The following TRDN variants were observed in gnomAD, a reference collection of about 807,000 sequenced individuals.
TRDN encodes triadin.
Under a neutral mutation model 149.7 loss-of-function variants are expected in TRDN, and 161 were observed. The observed-to-expected ratio is 1.08, with a 90% CI of 0.95 to 1.23. TRDN has a LOEUF of 1.23. TRDN is among the 50% of genes most tolerant of loss of function. TRDN has a pLI of 0.00. For synonymous variants in TRDN, 294 were observed against 250.5 expected (o/e 1.17, Z -1.64); for missense variants, 896 against 823.5 (o/e 1.09, Z -1.08).
chr6:123,628,504 C>T (rs915674415), intron 1 of TRDN, among the ~76,000 whole-genome samples: 1 of 151,898 alleles, frequency 6.6e-6, no homozygotes, highest in Admixed American at 6.6e-5. Flanking sequence ...ATAACGAAAA[C>T]ATTTGAAATA....
At chr6:123,313,332 A>T (rs1294831906) in intron 24 of TRDN, among the ~76,000 whole-genome samples, 2 of 151,782 alleles carry the variant, frequency 1.3e-5, no homozygotes, top group African/African-American at 4.8e-5. Flanking sequence ...CTTGCTGGAG[A>T]GGTGATATAG....
rs912058856 is a variant in TRDN, at chr6:123,524,742, A to C, written c.484+5764T>G. The stretch of plus-strand genomic sequence containing the variant: ...TTTGTTCTGATCTCTCAAATAATGA[A>C]ATTTTGAAATTTCAGAAATGTTCAT... On this transcript the variant is annotated intron_variant, in intron 5 of 40. Coordinates refer to ENST00000334268, the MANE Select transcript of TRDN (RefSeq NM_006073.4). Among the ~76,000 whole-genome samples, 13 of 152,264 alleles carry C rather than the reference A, an allele frequency of 8.5e-5. No individual in the cohort carries two copies. In the East Asian group the frequency reaches 9.6e-4, roughly 11 times the overall value.
chr6:123,305,652 C>T (rs1386993740), intron 24 of TRDN, among the ~76,000 whole-genome samples: 1 of 152,114 alleles, frequency 6.6e-6, no homozygotes, highest in African/African-American at 2.4e-5. Context: ...AAACAACTTT[C>T]CTTGAGATGT....
At chr6:123,568,392 G>A (rs936328662) in intron 2 of TRDN, among the ~76,000 whole-genome samples, 6 of 152,298 alleles carry the variant, frequency 3.9e-5, no homozygotes, top group African/African-American at 7.2e-5. Context: ...GCTCCACTAG[G>A]CAATGCCCCA....
At chr6:123,479,283 A>G (rs915355096) in intron 9 of TRDN, among the ~76,000 whole-genome samples, 1 of 152,176 alleles carries the variant, frequency 6.6e-6, no homozygotes, top group African/African-American at 2.4e-5. Flanking sequence ...GAAGTTTACT[A>G]ATTTATGAGT....
chr6:123,498,725 C>T, intron 8 of TRDN: 1 of 405,100 alleles, frequency 2.5e-6, no homozygotes, highest in Non-Finnish European at 5.2e-6. Context: ...CTGAACAAAA[C>T]TGTAGAACTG....
chr6:123,589,255 A>G (rs904599173), intron 1 of TRDN, among the ~76,000 whole-genome samples: 4 of 152,202 alleles, frequency 2.6e-5, no homozygotes, highest in East Asian at 1.9e-4. Flanking sequence ...CTTAGCAAAT[A>G]TCATTTGAAT....
intron 38 of TRDN, among the ~76,000 whole-genome samples, chr6:123,243,807 G>A (rs1776076612): frequency 1.3e-5 from 2 of 151,934 alleles, no homozygotes; most frequent in Non-Finnish European, 1.5e-5. Flanking sequence ...GTTACAGTTA[G>A]GATGACATAA....
chr6:123,383,710 G>C (rs1348022385), intron 14 of TRDN, among the ~76,000 whole-genome samples: 1 of 152,100 alleles, frequency 6.6e-6, no homozygotes, highest in East Asian at 1.9e-4. Context: ...CTTTATGTGT[G>C]CATGTGAGTG....
intron 37 of TRDN, 44 bp from the exon 38 acceptor site, chr6:123,252,479 T>C (rs1181069985): frequency 6.4e-6 from 7 of 1,093,442 alleles, no homozygotes; most frequent in Non-Finnish European, 9.2e-6. Flanking sequence ...TGAGATAAAA[T>C]GCAAGGAAAT....
At chr6:123,362,856 A>G (rs906215175) in intron 20 of TRDN, among the ~76,000 whole-genome samples, 3 of 152,144 alleles carry the variant, frequency 2.0e-5, no homozygotes, top group African/African-American at 7.2e-5. Context: ...TCGATTTTTC[A>G]TATAATATAT....
intron 1 of TRDN, among the ~76,000 whole-genome samples, chr6:123,601,962 G>A (rs1784301119): frequency 6.6e-6 from 1 of 152,016 alleles, no homozygotes; most frequent in African/African-American, 2.4e-5. Context: ...GTGGTATCAA[G>A]ACTAGAACTC....
At chr6:123,253,414 A>T (rs1776447101) in intron 37 of TRDN, among the ~76,000 whole-genome samples, 1 of 152,136 alleles carries the variant, frequency 6.6e-6, no homozygotes, top group Non-Finnish European at 1.5e-5. Context: ...TATAAAAATT[A>T]GGTTATTCCT....
intron 9 of TRDN, among the ~76,000 whole-genome samples, chr6:123,487,024 T>C (rs1004525594): frequency 2.0e-5 from 3 of 152,020 alleles, no homozygotes; most frequent in African/African-American, 7.2e-5. Flanking sequence ...GTTGATGTGG[T>C]TCTGAAAAAA....
chr6:123,241,010 A>G (rs1365982615), intron 38 of TRDN, among the ~76,000 whole-genome samples: 1 of 151,900 alleles, frequency 6.6e-6, no homozygotes, highest in Non-Finnish European at 1.5e-5. Context: ...AAAATGAAGT[A>G]TATTCTGTTT....
intron 4 of TRDN, among the ~76,000 whole-genome samples, chr6:123,543,616 C>T (rs1410226357): frequency 6.6e-6 from 1 of 151,988 alleles, no homozygotes; most frequent in Non-Finnish European, 1.5e-5. Flanking sequence ...AGAAATTTTG[C>T]AAAACTCTGC....
At chr6:123,472,240 A>G (rs34441504) in intron 9 of TRDN, among the ~76,000 whole-genome samples, 3,987 of 152,196 alleles carry the variant, frequency 0.026, 101 homozygotes, top group South Asian at 0.046. Flanking sequence ...TGCGCAAGCC[A>G]AAGCAGGGGG....
At chr6:123,605,248 ATAAT>A (rs1172086807) in intron 1 of TRDN, among the ~76,000 whole-genome samples, 1 of 135,612 alleles carries the variant, frequency 7.4e-6, no homozygotes, top group Non-Finnish European at 1.6e-5. Flanking sequence ...TTTCCATCAA[ATAAT>A]TATTTATATA....
At chr6:123,258,322 T>G (rs1776635586) in intron 35 of TRDN, among the ~76,000 whole-genome samples, 1 of 152,196 alleles carries the variant, frequency 6.6e-6, no homozygotes, top group African/African-American at 2.4e-5. Flanking sequence ...AATACCTAGT[T>G]TATTGAGTGT....
Sources: gnomAD v4.1 joint callset for allele counts (sites outside exome capture counted in the v4.1 genomes callset) on GRCh38, gnomAD v4.1.1 for gene constraint, MANE v1.5 for transcripts, NCBI Gene and HGNC (gene_info 2026-07-23, HGNC 2026-07-21) for gene names.